The following TMCO6 variants were observed in gnomAD, a reference collection of about 807,000 sequenced individuals.
TMCO6 encodes the protein transmembrane and coiled-coil domains 6, also known as transmembrane and coiled-coil domain-containing protein 6.
In TMCO6, 47 loss-of-function variants were observed where a neutral mutation model predicts 61.8. The observed-to-expected ratio is 0.76, with a 90% confidence interval of 0.60 to 0.97. TMCO6 has a LOEUF of 0.97. TMCO6 is among the 50% of genes least tolerant of loss of function. TMCO6 has a pLI of 0.00. For synonymous variants in TMCO6, 261 were observed against 254.2 expected, an observed-to-expected ratio of 1.03 and a Z score of -0.25; for missense variants, 557 against 601.6, an observed-to-expected ratio of 0.93 and a Z score of 0.78.
chr5:140,632,083 C>T, the TMCO6 span: 1 of 1,614,102 alleles, frequency 6.2e-7, no homozygotes, highest in South Asian at 1.1e-5. This position sits in a 1 kb window ranked among gnomAD's most constrained non-coding sequence, Gnocchi z 6.2. Flanking sequence ...AGATCGAGCA[C>T]TCTGAGCTTG....
chr5:140,611,485 C>T, the TMCO6 span, among the ~76,000 whole-genome samples: 143 of 152,256 alleles, frequency 9.4e-4, no homozygotes, highest in Non-Finnish European at 6.8e-4. Context: ...TTACTGTCTG[C>T]GCTTTGTGGC....
At chr5:140,641,491 G>C in intron 2 of TMCO6, 174 bp from the exon 3 acceptor site, 1 of 620,592 alleles carries the variant, frequency 1.6e-6, no homozygotes, top group Non-Finnish European at 2.9e-6. Flanking sequence ...TTAGAACTCA[G>C]TTCTGATTCT....
the TMCO6 span, among the ~76,000 whole-genome samples, chr5:140,614,545 T>C: frequency 2.7e-5 from 4 of 150,856 alleles, no homozygotes; most frequent in Non-Finnish European, 5.9e-5. Flanking sequence ...TGTAACAGCA[T>C]ACTCACTGGT....
chr5:140,608,540 G>T, the TMCO6 span, among the ~76,000 whole-genome samples: 1 of 152,140 alleles, frequency 6.6e-6, no homozygotes, highest in Non-Finnish European at 1.5e-5. Flanking sequence ...TTGTTGCTCA[G>T]GCTTTTGGAG....
the TMCO6 span, among the ~76,000 whole-genome samples, chr5:140,623,315 A>G: frequency 1.3e-5 from 2 of 152,198 alleles, no homozygotes; most frequent in African/African-American, 4.8e-5. Flanking sequence ...TTTCCTTGAA[A>G]AGTAAGAAAT....
chr5:140,620,919 G>A, the TMCO6 span, among the ~76,000 whole-genome samples: 1 of 151,950 alleles, frequency 6.6e-6, no homozygotes, highest in South Asian at 2.1e-4. Context: ...AGGCTGAAGT[G>A]AGAGTACTGC....
At position 140,642,677 on chromosome 5, in the gene TMCO6, T is replaced by C; in HGVS notation, c.689+6T>C. On this transcript the variant is annotated splice_donor_region_variant and intron_variant, in intron 6 of 11. Transcript: ENST00000394671. ...GCTCCAGAGAAGATCATTCCGTGAG[T>C]AAAATTGTCTTTAGATGTGCAGCCA... 6.2e-7 allele frequency: 1 copy of C among 1,614,030 alleles called. No homozygotes were observed. The highest frequency in any genetic ancestry group is 8.5e-7 in the Non-Finnish European group (1 of 1,179,996).
the TMCO6 span, among the ~76,000 whole-genome samples, chr5:140,597,541 A>G: frequency 6.6e-5 from 10 of 152,318 alleles, no homozygotes; most frequent in Admixed American, 4.6e-4. Context: ...AAGTGTTAGC[A>G]TAATATTGGA....
At chr5:140,601,176 C>T in the TMCO6 span, among the ~76,000 whole-genome samples, 1 of 152,132 alleles carries the variant, frequency 6.6e-6, no homozygotes, top group African/African-American at 2.4e-5. Context: ...AGTGAGGGCT[C>T]ACTAGCAGGG....
At chr5:140,643,340 A>G (rs1201344887) in intron 7 of TMCO6, 1 of 585,130 alleles carries the variant, frequency 1.7e-6, no homozygotes, top group East Asian at 3.1e-5. Context: ...GAGACTACAG[A>G]TGCGTGCCAC....
At chr5:140,597,597 T>G in the TMCO6 span, among the ~76,000 whole-genome samples, 1 of 152,248 alleles carries the variant, frequency 6.6e-6, no homozygotes, top group African/African-American at 2.4e-5. Flanking sequence ...CTATTATTCT[T>G]CATTCTCTCA....
At chr5:140,640,960 T>A (rs541419474) in intron 2 of TMCO6, 1 of 153,788 alleles carries the variant, frequency 6.5e-6, no homozygotes, top group East Asian at 1.9e-4. Context: ...TGTTGACATA[T>A]ATATTATCAA....
At chr5:140,625,394 C>T in the TMCO6 span, among the ~76,000 whole-genome samples, 1 of 152,164 alleles carries the variant, frequency 6.6e-6, no homozygotes. Flanking sequence ...GATATCATTG[C>T]CAATGTCTTC....
At chr5:140,599,344 AT>A in the TMCO6 span, among the ~76,000 whole-genome samples, 4 of 152,172 alleles carry the variant, frequency 2.6e-5, no homozygotes, top group Non-Finnish European at 5.9e-5. Flanking sequence ...TCAAATTTCC[AT>A]AGTGATTTTC....
the TMCO6 span, among the ~76,000 whole-genome samples, chr5:140,626,595 G>A: frequency 4.9e-4 from 75 of 152,038 alleles, no homozygotes; most frequent in Non-Finnish European, 5.9e-4. Context: ...CTTCTAAGCA[G>A]CCACAAATCT....
chr5:140,603,813 G>A, the TMCO6 span, among the ~76,000 whole-genome samples: 1 of 152,140 alleles, frequency 6.6e-6, no homozygotes, highest in Non-Finnish European at 1.5e-5. Flanking sequence ...TTGTGTGCAA[G>A]TTTCTGTGTA....
At chr5:140,641,563 A>G in intron 2 of TMCO6, 102 bp from the exon 3 acceptor site, 1 of 894,338 alleles carries the variant, frequency 1.1e-6, no homozygotes, top group African/African-American at 1.7e-5. Context: ...ACAAGTTCTG[A>G]AGGTGTGATA....
downstream of TMCO6, chr5:140,647,002 T>G: frequency 4.5e-6 from 2 of 441,144 alleles, no homozygotes; most frequent in Non-Finnish European, 4.0e-6. Flanking sequence ...CTGAAGCCCA[T>G]TCTTAACTAC....
At chr5:140,627,370 G>A in the TMCO6 span, among the ~76,000 whole-genome samples, 1 of 152,084 alleles carries the variant, frequency 6.6e-6, no homozygotes, top group African/African-American at 2.4e-5. Flanking sequence ...AGAATCTAAT[G>A]GTTCCAAAGC....
Sources: allele counts gnomAD v4.1 joint callset (sites outside exome capture counted in the v4.1 genomes callset), GRCh38; gene constraint gnomAD v4.1.1; non-coding constraint Gnocchi (gnomAD v3.1); transcripts MANE v1.5; gene names NCBI Gene and HGNC (gene_info 2026-07-23, HGNC 2026-07-21).